KDM2B: variants seen among roughly 807,000 people sequenced by gnomAD.
KDM2B encodes lysine-specific demethylase 2B.
KDM2B carries 26 observed loss-of-function variants against 150.0 expected under a neutral mutation model. The ratio of observed to expected loss-of-function variants is 0.17; its 90% CI spans 0.13 to 0.24. KDM2B has a LOEUF of 0.24. Among genes scored for constraint, KDM2B ranks in the 10% least tolerant of loss-of-function variants. The pLI, the probability that KDM2B is intolerant of heterozygous loss-of-function variation, is 1.00. For synonymous variants in KDM2B, 734 were observed against 729.5 expected (o/e 1.01, Z -0.10); for missense variants, 1,265 against 1,816.9 (o/e 0.70, Z 5.52).
At chr12:121,580,248 G>T in intron 1 of KDM2B, 1 of 1,154,600 alleles carries the variant, frequency 8.7e-7, no homozygotes, top group East Asian at 4.1e-5. Flanking sequence ...ATTTTCAGCA[G>T]TTGTGGGGGG....
At chr12:121,534,145 C>G (rs1016825223) in intron 7 of KDM2B, among the ~76,000 whole-genome samples, 6 of 152,214 alleles carry the variant, frequency 3.9e-5, no homozygotes, top group African/African-American at 7.2e-5. Flanking sequence ...GTCAGGAGAT[C>G]GAGACCATCC....
At chr12:121,444,775 C>T (rs1555289743) in intron 14 of KDM2B, 21 of 571,562 alleles carry the variant, frequency 3.7e-5, no homozygotes, top group East Asian at 3.0e-5. Context: ...GGGCAAGACA[C>T]TCCGTCTCTG....
chr12:121,433,030 A>C (rs1273859896), intron 22 of KDM2B: 1 of 417,476 alleles, frequency 2.4e-6, no homozygotes, highest in African/African-American at 2.1e-5. Flanking sequence ...GTCGGTGGTA[A>C]GGCAGCACTT....
In KDM2B at chr12:121,483,568, C is replaced by T. The variant is rs555681338; in HGVS notation, c.1734+11011G>A. Among the ~76,000 whole-genome samples, 3 of 151,508 alleles carry T rather than the reference C, an allele frequency of 2.0e-5. No individual in the cohort carries two copies. The East Asian group carries it at 5.9e-4, about 30-fold the overall frequency. The stretch of plus-strand genomic sequence containing the variant: ...AGTGTGTATCTGTAGTCCCAGGTAC[C>T]TGGGAGGTTGACATGTGAGGATCCC... On this transcript the variant is annotated intron_variant, in intron 12 of 22. Transcript: ENST00000377071.
intron 14 of KDM2B, chr12:121,444,974 T>C (rs3817545): frequency 0.37 from 157,413 of 427,940 alleles, 30,759 homozygotes; most frequent in East Asian, 0.42. Flanking sequence ...TGGAGGCGCT[T>C]CCTCTGGCCC....
intron 13 of KDM2B, among the ~76,000 whole-genome samples, chr12:121,447,538 C>T (rs1435348908): frequency 6.6e-6 from 1 of 152,000 alleles, no homozygotes; most frequent in Non-Finnish European, 1.5e-5. Flanking sequence ...CCACCGCACC[C>T]GGCAATTCCA....
intron 10 of KDM2B, among the ~76,000 whole-genome samples, chr12:121,511,135 C>T (rs977361634): frequency 6.6e-6 from 1 of 151,728 alleles, no homozygotes; most frequent in Non-Finnish European, 1.5e-5. Flanking sequence ...CTCAGCCTCC[C>T]GAGTAGCTGA....
At chr12:121,498,553 C>A (rs2140458947) in intron 11 of KDM2B, among the ~76,000 whole-genome samples, 1 of 152,290 alleles carries the variant, frequency 6.6e-6, no homozygotes, top group Admixed American at 6.5e-5. Flanking sequence ...GTGAGTGAAA[C>A]ATCTGTGTGC....
At chr12:121,421,956 A>G in the KDM2B span, among the ~76,000 whole-genome samples, 14 of 152,332 alleles carry the variant, frequency 9.2e-5, no homozygotes, top group Admixed American at 2.6e-4. Flanking sequence ...TATTTTGGCA[A>G]TCCTACTTCA....
intron 9 of KDM2B, chr12:121,516,279 G>C (rs1206057480): frequency 6.2e-6 from 2 of 324,968 alleles, no homozygotes; most frequent in African/African-American, 4.5e-5. Context: ...TTCTAAATTA[G>C]GGGAAAAAAA....
At chr12:121,444,666 A>G in intron 14 of KDM2B, 130 bp from the exon 15 acceptor site, 2 of 762,182 alleles carry the variant, frequency 2.6e-6, no homozygotes, top group East Asian at 2.7e-5. Flanking sequence ...TCCCGTTTCC[A>G]GGCAAAAGAA....
chr12:121,516,237 TCTGCTCGGACACCATGACCAC>T, intron 9 of KDM2B: 1 of 298,516 alleles, frequency 3.3e-6, no homozygotes, highest in South Asian at 2.8e-5. Flanking sequence ...TCCGAGCCAT[TCTGCTCGGACACCATGACCAC>T]CTGGGAATCT....
At chr12:121,529,778 A>T (rs1887470291) in intron 8 of KDM2B, among the ~76,000 whole-genome samples, 1 of 151,774 alleles carries the variant, frequency 6.6e-6, no homozygotes, top group Non-Finnish European at 1.5e-5. Flanking sequence ...AAAAATACAA[A>T]AATTAGCCGG....
At position 121,442,863 on chromosome 12, in the gene KDM2B, GC is replaced by G. The variant is rs1240339850; in HGVS notation, c.2605-28del. ...TGAGGGCGAGAGCGGAGACGCGTCA[GC>G]CTCTGGGGCTCAGGGCTGCGCCCGC... On this transcript the variant is annotated intron_variant, in intron 18 of 22. Transcript: ENST00000377071. This position sits in a 1 kb window ranked among gnomAD's most constrained non-coding sequence, Gnocchi z 7.7. 1.3e-6 allele frequency: 2 copies of G among 1,521,048 alleles called. No individual in the cohort carries two copies. Among genetic ancestry groups the G allele is most frequent in the African/African-American group, 1.4e-5 (1 of 71,576 alleles). The allele number at this position is 1,521,048 out of a possible 1,614,324, so 94.2% of individuals were successfully genotyped here. A position where few individuals can be genotyped will look rare whatever the true frequency, so the allele number is the denominator to read the frequency against.
chr12:121,502,602 CAG>C (rs1171103053), intron 11 of KDM2B, among the ~76,000 whole-genome samples: 8 of 151,368 alleles, frequency 5.3e-5, no homozygotes, highest in East Asian at 2.0e-4. Context: ...GCCTGGGCAA[CAG>C]AGAGAGACTC....
rs1395943399 is a variant in KDM2B at position 121,453,737 on chromosome 12, C to G, written c.1735-393G>C. Among the ~76,000 whole-genome samples the G allele has an allele frequency of 2.6e-5, 4 of 152,224 alleles. No homozygotes were observed. Among genetic ancestry groups the G allele is most frequent in the Admixed American group, 6.5e-5 (1 of 15,292 alleles). On this transcript the variant is annotated intron_variant, in intron 12 of 22. Transcript: ENST00000377071. This position sits in a 1 kb window ranked among gnomAD's most constrained non-coding sequence, Gnocchi z 6.4. Reference sequence around the variant, plus strand: ...CGGGGAAGGACCCTCCCCTAGAGCCCGCAGAGCCAGCCCGGCCCGCCAGCC... The same window carrying G: ...CGGGGAAGGACCCTCCCCTAGAGCCGGCAGAGCCAGCCCGGCCCGCCAGCC...
chr12:121,552,884 G>A (rs1351495420), intron 4 of KDM2B, among the ~76,000 whole-genome samples: 6 of 152,130 alleles, frequency 3.9e-5, no homozygotes, highest in African/African-American at 7.2e-5. Flanking sequence ...CCTGGAATAC[G>A]TGGGCGCCAC....
At chr12:121,412,417 G>GT in the KDM2B span, among the ~76,000 whole-genome samples, 1 of 151,296 alleles carries the variant, frequency 6.6e-6, no homozygotes, top group Non-Finnish European at 1.5e-5. Context: ...TTTTGTTTTT[G>GT]TTTTTTTAGT....
At chr12:121,572,552 G>A (rs1566433790) in intron 4 of KDM2B, among the ~76,000 whole-genome samples, 1 of 152,134 alleles carries the variant, frequency 6.6e-6, no homozygotes, top group Non-Finnish European at 1.5e-5. Flanking sequence ...TCCCAGAGAG[G>A]GCCTCCCTGA....
Sources: gnomAD v4.1 joint callset for allele counts (sites outside exome capture counted in the v4.1 genomes callset) on GRCh38, gnomAD v4.1.1 for gene constraint, Gnocchi (gnomAD v3.1) non-coding constraint, MANE v1.5 for transcripts, NCBI Gene and HGNC (gene_info 2026-07-23, HGNC 2026-07-21) for gene names.